Variants in ALDH1L2 observed in about 807,000 individuals in gnomAD.
ALDH1L2 encodes the protein mitochondrial 10-formyltetrahydrofolate dehydrogenase.
Under a neutral mutation model 111.0 loss-of-function variants are expected in ALDH1L2, and 91 were observed. The ratio of observed to expected loss-of-function variants is 0.82; its 90% confidence interval spans 0.69 to 0.98. ALDH1L2 has a LOEUF of 0.98. Among genes scored for constraint, ALDH1L2 ranks in the 50% least tolerant of loss-of-function variants. ALDH1L2 has a pLI of 0.00. For missense variants in ALDH1L2, 995 were observed against 1,126.8 expected (o/e 0.88, Z 1.67); for synonymous variants, 374 against 392.6 (o/e 0.95, Z 0.56).
In ALDH1L2 at chr12:105,035,394, G is replaced by T. The variant is rs191907639; in HGVS notation, c.2146-996C>A. Among the ~76,000 whole-genome samples, 4 of 152,010 alleles carry T rather than the reference G, an allele frequency of 2.6e-5. No homozygotes were observed. In the East Asian group the frequency reaches 5.8e-4, roughly 22 times the overall value. ...GCTGGAGTGCAGTGGCGTGATCATGGCTCACTGCAGCCTCAACTTCCTGGG... is the reference window on the plus strand; with the variant it reads ...GCTGGAGTGCAGTGGCGTGATCATGTCTCACTGCAGCCTCAACTTCCTGGG... On this transcript the variant is annotated intron_variant, in intron 18 of 22. Transcript: ENST00000258494.
At chr12:105,036,687 C>T (rs181133315) in intron 18 of ALDH1L2, among the ~76,000 whole-genome samples, 58 of 148,256 alleles carry the variant, frequency 3.9e-4, no homozygotes, top group Admixed American at 1.2e-3. Flanking sequence ...AGTGAGATCC[C>T]ATCTCGAAAA....
chr12:105,046,193 C>CTCTATATA lies in ALDH1L2; in HGVS notation c.1863+516_1863+517insTATATAGA, dbSNP rs1256472590. ...TCTCTCTCTCTCTCTCTCTCTCTCT[C>CTCTATATA]TATATATATATATATATATATATAT... On this transcript the variant is annotated intron_variant, in intron 15 of 22. Transcript: ENST00000258494. Among the ~76,000 whole-genome samples the CTCTATATA allele has an allele frequency of 7.4e-4, 15 of 20,174 alleles. 1 individual carries two copies. The highest frequency in any genetic ancestry group is 2.8e-3 in the East Asian group (2 of 706). 13.2% of individuals were successfully genotyped at this position (20,174 alleles called of 152,430 possible). A position where few individuals can be genotyped will look rare whatever the true frequency, so the allele number is the denominator to read the frequency against.
rs1878495890 is a variant in ALDH1L2 at position 105,084,415 on chromosome 12, C to T, written c.22G>A (p.Ala8Thr). 2 of 1,494,800 alleles carry T rather than the reference C, an allele frequency of 1.3e-6. No individual in the cohort carries two copies. Among genetic ancestry groups the T allele is most frequent in the Non-Finnish European group, 1.8e-6 (2 of 1,128,928 alleles). 92.6% of individuals were successfully genotyped at this position (1,494,800 alleles called of 1,614,324 possible). MLRRGSQALRRFSTGRVY... is the reference protein window; with the variant it reads MLRRGSQTLRRFSTGRVY... ...CGGCCAGTGGAGAAGCGCCGGAGCG[C>T]CTGGCTGCCCCGCCGCAGCATGCTG... The change falls in exon 1 of 23, where the codon GCG (alanine) becomes ACG (threonine). Residue 8 changes from alanine (A) to threonine (T), a missense_variant. Ala to Thr is a moderately conservative substitution (Grantham distance 58, BLOSUM62 0). Transcript: ENST00000258494.
At chr12:105,034,956 C>T (rs559203432) in intron 18 of ALDH1L2, among the ~76,000 whole-genome samples, 15 of 151,724 alleles carry the variant, frequency 9.9e-5, no homozygotes, top group African/African-American at 3.6e-4. Flanking sequence ...TGCACTCCAG[C>T]CTGGGCGACA....
chr12:105,053,874 A>G (rs1222719453), intron 10 of ALDH1L2, among the ~76,000 whole-genome samples: 3 of 151,418 alleles, frequency 2.0e-5, no homozygotes, highest in African/African-American at 7.3e-5. Flanking sequence ...TAATATTATT[A>G]CCCTATAAAT....
intron 7 of ALDH1L2, among the ~76,000 whole-genome samples, chr12:105,062,631 C>T (rs112711988): frequency 6.6e-5 from 10 of 152,174 alleles, no homozygotes; most frequent in African/African-American, 2.2e-4. Context: ...AGGGAAGAAT[C>T]ATCCTGCCCA....
chr12:105,047,013 A>T, intron 13 of ALDH1L2, 44 bp from the exon 14 acceptor site: 1 of 1,583,986 alleles, frequency 6.3e-7, no homozygotes, highest in Non-Finnish European at 8.7e-7. Flanking sequence ...TAATTTAAAT[A>T]AGTAAATTTC....
At chr12:105,031,179 A>G (rs561342757) in intron 20 of ALDH1L2, among the ~76,000 whole-genome samples, 2 of 152,332 alleles carry the variant, frequency 1.3e-5, no homozygotes, top group African/African-American at 4.8e-5. Flanking sequence ...TACCATCACA[A>G]CCATCTTTAA....
chr12:105,067,551 A>G (rs746084334), intron 4 of ALDH1L2, among the ~76,000 whole-genome samples: 70 of 152,204 alleles, frequency 4.6e-4, no homozygotes, highest in Non-Finnish European at 8.5e-4. Context: ...GTTAAAATCT[A>G]TCCATGAGCT....
chr12:105,039,890 G>A (rs1019824173), intron 16 of ALDH1L2, 84 bp from the exon 17 acceptor site: 6 of 1,157,754 alleles, frequency 5.2e-6, no homozygotes, highest in South Asian at 1.2e-5. Flanking sequence ...CCGCACTTTG[G>A]GAGGCTGAGG....
intron 12 of ALDH1L2, 46 bp from the exon 13 acceptor site, chr12:105,050,104 C>G (rs753222441): frequency 2.7e-6 from 4 of 1,501,932 alleles, no homozygotes; most frequent in Non-Finnish European, 3.6e-6. Context: ...ATTGATTGAG[C>G]TCCTGTCACA....
At chr12:105,036,093 A>T (rs1273486671) in intron 18 of ALDH1L2, among the ~76,000 whole-genome samples, 12 of 70,898 alleles carry the variant, frequency 1.7e-4, no homozygotes, top group South Asian at 5.0e-4. Flanking sequence ...TGTATATATT[A>T]TATATACGTA....
chr12:105,062,217 C>T (rs747732939), intron 7 of ALDH1L2, among the ~76,000 whole-genome samples: 1 of 152,150 alleles, frequency 6.6e-6, no homozygotes. Flanking sequence ...CCAGTGGAGG[C>T]GGATGCCATT....
chr12:105,082,925 T>A lies in ALDH1L2; in HGVS notation c.48+1464A>T, dbSNP rs1420450931. On this transcript the variant is annotated intron_variant, in intron 1 of 22. Coordinates refer to ENST00000258494, the MANE Select transcript of ALDH1L2 (RefSeq NM_001034173.4). ...TTTCATTCACCACTCAGTAGCTTCC[T>A]TTCGACCACTGAGGAAACTGTCTTC... is the stretch of plus-strand genomic sequence containing the variant. Among the ~76,000 whole-genome samples the A allele has an allele frequency of 2.7e-5, 4 of 150,226 alleles. No individual in the cohort carries two copies. The East Asian group carries it at 7.7e-4, about 29-fold the overall frequency.
chr12:105,055,946 AT>A (rs1565962520), intron 10 of ALDH1L2, among the ~76,000 whole-genome samples: 1 of 152,162 alleles, frequency 6.6e-6, no homozygotes, highest in Non-Finnish European at 1.5e-5. Context: ...CATAAAAGGA[AT>A]CCCAGAAGGA....
chr12:105,068,271 AT>A (rs773030009), intron 4 of ALDH1L2, among the ~76,000 whole-genome samples: 486 of 145,976 alleles, frequency 3.3e-3, no homozygotes, highest in Admixed American at 4.4e-3. Context: ...ATGTTTTGGG[AT>A]TTTTTTTTTT....
At position 105,070,563 on chromosome 12, in the gene ALDH1L2, A is replaced by G. The variant is rs768897145; in HGVS notation, c.428+7T>C. 1.3e-6 allele frequency: 2 copies of G among 1,593,714 alleles called. No individual in the cohort carries two copies. Among genetic ancestry groups the G allele is most frequent in the Non-Finnish European group, 1.7e-6 (2 of 1,171,620 alleles). ...CAAAAAAAAAAAGTAAAAAGAAAAAATCTCACCAATTGATAGCAGAGGCTC... is the reference window on the plus strand; with the variant it reads ...CAAAAAAAAAAAGTAAAAAGAAAAAGTCTCACCAATTGATAGCAGAGGCTC... On this transcript the variant is annotated splice_region_variant and intron_variant, in intron 3 of 22. Transcript: ENST00000258494.
chr12:105,059,577 T>A (rs887098412), intron 9 of ALDH1L2, among the ~76,000 whole-genome samples: 11 of 152,282 alleles, frequency 7.2e-5, no homozygotes, highest in African/African-American at 2.4e-4. Flanking sequence ...CTGAGAAATC[T>A]ATAATTTGAG....
At chr12:105,046,307 G>C (rs1252060720) in intron 15 of ALDH1L2, among the ~76,000 whole-genome samples, 60 of 137,562 alleles carry the variant, frequency 4.4e-4, no homozygotes, top group Non-Finnish European at 6.5e-4. Context: ...CACGATCTCG[G>C]CTCATTGCAA....
Sources: allele counts gnomAD v4.1 joint callset (sites outside exome capture counted in the v4.1 genomes callset), GRCh38; gene constraint gnomAD v4.1.1; transcripts MANE v1.5; gene names NCBI Gene and HGNC (gene_info 2026-07-23, HGNC 2026-07-21).